The following HBZ variants were observed in gnomAD, a reference collection of about 807,000 sequenced individuals.
HBZ encodes hemoglobin subunit zeta, also known as hemoglobin zeta chain.
HBZ carries 2 observed loss-of-function variants against 5.8 expected under a neutral mutation model. The ratio of observed to expected loss-of-function variants is 0.34; its 90% CI spans 0.14 to 1.09. The LOEUF is 1.09. Ranked by LOEUF, HBZ falls within the 50% of genes least tolerant of loss-of-function variation. HBZ has a pLI of 0.42. For synonymous variants in HBZ, 39 were observed against 47.4 expected (o/e 0.82, Z 0.73); for missense variants, 47 against 97.8 (o/e 0.48, Z 2.19).
chr16:153,273 C>A (rs1901652483), intron 1 of HBZ, among the ~76,000 whole-genome samples: 1 of 151,246 alleles, frequency 6.6e-6, no homozygotes, highest in South Asian at 2.1e-4. Flanking sequence ...AAGGAGGGAA[C>A]GATTAGGAGT....
Position 152,714 on chromosome 16 carries a change from C to T in HBZ, c.-196C>T. The stretch of plus-strand genomic sequence containing the variant: ...AGTGATAGCCCCCAAACCCCAGTCC[C>T]ACCAGGCCCTGAGGGCCCCTTTGTC... On this transcript the variant is annotated 5_prime_UTR_variant, in exon 1 of 3. Transcript: ENST00000252951. The T allele has an allele frequency of 9.4e-7, 1 of 1,069,422 alleles. No homozygotes were observed. Among genetic ancestry groups the T allele is most frequent in the Non-Finnish European group, 1.3e-6 (1 of 767,668 alleles). The allele number at this position is 1,069,422 out of a possible 1,614,324, so 66.2% of individuals were successfully genotyped here. A position where few individuals can be genotyped will look rare whatever the true frequency, so the allele number is the denominator to read the frequency against.
intron 1 of HBZ, 141 bp downstream of exon 1, chr16:153,145 A>T: frequency 3.0e-6 from 1 of 335,838 alleles, no homozygotes; most frequent in Non-Finnish European, 5.5e-6. Flanking sequence ...CTGTGGGGAG[A>T]GGACAGTGAG....
intron 2 of HBZ, 76 bp downstream of exon 2, chr16:154,172 G>GTGCGGGCGGTGCGGT (rs1901669743): frequency 8.4e-5 from 3 of 35,584 alleles, no homozygotes; most frequent in Non-Finnish European, 1.0e-4. Flanking sequence ...GGCGGGGCGG[G>GTGCGGGCGGTGCGGT]GAGGGGCGGG....
Sources: gnomAD v4.1 joint callset for allele counts (sites outside exome capture counted in the v4.1 genomes callset) on GRCh38, gnomAD v4.1.1 for gene constraint, MANE v1.5 for transcripts, NCBI Gene and HGNC (gene_info 2026-07-23, HGNC 2026-07-21) for gene names.